The following STAB2 variants were observed in gnomAD, a reference collection of about 807,000 sequenced individuals.
STAB2 encodes stabilin 2, also known as stabilin-2.
Under a neutral mutation model 338.1 loss-of-function variants are expected in STAB2, and 288 were observed. The ratio of observed to expected loss-of-function variants is 0.85; its 90% CI spans 0.77 to 0.94. The LOEUF (loss-of-function observed/expected upper bound fraction) is 0.94. Ranked by LOEUF, STAB2 falls within the 40% of genes least tolerant of loss-of-function variation. The probability of loss-of-function intolerance (pLI) is 0.00; values close to 1 mark genes in which losing one functional copy is unlikely to be tolerated. For missense variants in STAB2, 3,141 were observed against 3,210.1 expected (o/e 0.98, Z 0.52); for synonymous variants, 1,202 against 1,193.3 (o/e 1.01, Z -0.15).
chr12:103,629,814 T>C (rs1957433283), intron 5 of STAB2, among the ~76,000 whole-genome samples: 1 of 152,216 alleles, frequency 6.6e-6, no homozygotes, highest in South Asian at 2.1e-4. Flanking sequence ...GATTTTGATC[T>C]CTTTGATGGC....
At chr12:103,620,366 T>C (rs1457625662) in intron 3 of STAB2, 102 bp from the exon 4 acceptor site, 2 of 1,092,484 alleles carry the variant, frequency 1.8e-6, no homozygotes, top group East Asian at 2.6e-5. Context: ...AATTATTTCT[T>C]ATCCCTGGCA....
At chr12:103,736,188 A>G (rs1279027295) in intron 52 of STAB2, among the ~76,000 whole-genome samples, 1 of 152,220 alleles carries the variant, frequency 6.6e-6, no homozygotes, top group Admixed American at 6.5e-5. Flanking sequence ...AATCTTTAGT[A>G]TGATGGCTCA....
chr12:103,723,629 C>T (rs973625606), intron 44 of STAB2, among the ~76,000 whole-genome samples: 1 of 152,198 alleles, frequency 6.6e-6, no homozygotes, highest in African/African-American at 2.4e-5. Context: ...TAGCATGTAT[C>T]GTGACTTTCT....
intron 16 of STAB2, 117 bp downstream of exon 16, chr12:103,660,501 C>A: frequency 7.3e-7 from 1 of 1,367,714 alleles, no homozygotes; most frequent in Non-Finnish European, 1.0e-6. Flanking sequence ...CTGAATAAAC[C>A]CTCAGCCATG....
intron 68 of STAB2, 175 bp from the exon 69 acceptor site, chr12:103,766,111 C>A (rs934168842): frequency 3.6e-6 from 3 of 837,114 alleles, no homozygotes; most frequent in Admixed American, 2.0e-5. Flanking sequence ...GGTGGCCCTA[C>A]CCCCAGCCCA....
At chr12:103,707,114 G>A (rs901040879) in intron 38 of STAB2, 127 bp downstream of exon 38, 9 of 939,222 alleles carry the variant, frequency 9.6e-6, no homozygotes, top group Non-Finnish European at 1.2e-5. Flanking sequence ...AATCCCACCT[G>A]CTACTATCAC....
chr12:103,675,647 G>A (rs1207044565), intron 23 of STAB2, among the ~76,000 whole-genome samples: 1 of 152,222 alleles, frequency 6.6e-6, no homozygotes, highest in Non-Finnish European at 1.5e-5. Flanking sequence ...TATATGGGAG[G>A]TATTAGGCCC....
intron 9 of STAB2, among the ~76,000 whole-genome samples, chr12:103,643,890 C>G (rs1274896957): frequency 2.2e-5 from 3 of 139,364 alleles, no homozygotes; most frequent in Non-Finnish European, 4.7e-5. Context: ...GCGCCTCTGC[C>G]CGGCCGCCCC....
rs1055295803 is a variant in STAB2 at position 103,720,784 on chromosome 12, A to G, written c.4683+2943A>G. On this transcript the variant is annotated intron_variant, in intron 44 of 68. Coordinates refer to ENST00000388887, the MANE Select transcript of STAB2 (RefSeq NM_017564.10). Reference sequence around the variant, plus strand: ...GGTAGCTTATAAGCAACAGAAATTTATTTCTCACATTCTGGAGGCTGGGCA... The same window carrying G: ...GGTAGCTTATAAGCAACAGAAATTTGTTTCTCACATTCTGGAGGCTGGGCA... 3.9e-5 allele frequency among the ~76,000 whole-genome samples: 6 copies of G among 152,312 alleles called. No individual in the cohort carries two copies. The East Asian group carries it at 1.2e-3, about 29-fold the overall frequency.
At chr12:103,633,978 G>A (rs1013096389) in intron 6 of STAB2, among the ~76,000 whole-genome samples, 4 of 151,946 alleles carry the variant, frequency 2.6e-5, no homozygotes, top group Non-Finnish European at 5.9e-5. Context: ...GGAGAGGAGA[G>A]GAATTAGACA....
At chr12:103,664,621 A>G (rs923550676) in intron 18 of STAB2, among the ~76,000 whole-genome samples, 4 of 152,262 alleles carry the variant, frequency 2.6e-5, no homozygotes, top group African/African-American at 4.8e-5. Flanking sequence ...GAACATGAGC[A>G]TTAAACAAGG....
In STAB2 at chr12:103,706,803, C is replaced by T; in HGVS notation, c.4008C>T (p.Cys1336=). The T allele has an allele frequency of 3.1e-6, 5 of 1,614,232 alleles. No individual in the cohort carries two copies. The highest frequency in any genetic ancestry group is 2.2e-5 in the East Asian group (1 of 44,886). ...TCCTTCTGTTTCAGACGAGAGAATG[C>T]TGTGCCGGCTTCTTTGGCCCCCAAT... The part of the protein sequence containing the change: ...KCVRTVITRE[C]CAGFFGPQCQ... Residue 1336 remains cysteine, a synonymous_variant, in exon 38 of 69, where the codon TGC becomes TGT. Transcript: ENST00000388887.
At chr12:103,664,804 T>G (rs1874932360) in intron 18 of STAB2, among the ~76,000 whole-genome samples, 1 of 152,212 alleles carries the variant, frequency 6.6e-6, no homozygotes, top group Non-Finnish European at 1.5e-5. Flanking sequence ...AGGACGGAGC[T>G]GATCCTCTGT....
At chr12:103,754,923 G>A (rs1209363860) in intron 61 of STAB2, among the ~76,000 whole-genome samples, 1 of 150,122 alleles carries the variant, frequency 6.7e-6, no homozygotes, top group East Asian at 2.0e-4. Context: ...TTTAGCCTGG[G>A]TGACAGAGCA....
chr12:103,708,364 G>A, intron 38 of STAB2, 77 bp from the exon 39 acceptor site: 1 of 1,460,178 alleles, frequency 6.8e-7, no homozygotes, highest in Non-Finnish European at 9.6e-7. Context: ...GTGCAATAAA[G>A]CAAACCTAGT....
At position 103,590,021 on chromosome 12, in the gene STAB2, T is replaced by G. The variant is rs144600152; in HGVS notation, c.82-876T>G. 5.5e-3 allele frequency among the ~76,000 whole-genome samples: 832 copies of G among 152,220 alleles called. 2 individuals carry two copies. Among genetic ancestry groups the G allele is most frequent in the Non-Finnish European group, 8.9e-3 (607 of 68,026 alleles). ...GGTCTTTTGATCCCCAAGTTTAGTCTCTCTTTGTTGTACAAAGCTGCTCCA... is the reference window on the plus strand; with the variant it reads ...GGTCTTTTGATCCCCAAGTTTAGTCGCTCTTTGTTGTACAAAGCTGCTCCA... On this transcript the variant is annotated intron_variant, in intron 1 of 68. Transcript: ENST00000388887.
intron 9 of STAB2, among the ~76,000 whole-genome samples, chr12:103,641,815 C>T (rs1872947239): frequency 1.3e-5 from 2 of 152,176 alleles, no homozygotes; most frequent in Admixed American, 1.3e-4. Context: ...CACAAACCTT[C>T]CCACACCTCA....
intron 3 of STAB2, among the ~76,000 whole-genome samples, chr12:103,616,166 T>C (rs1007770691): frequency 6.6e-6 from 1 of 152,170 alleles, no homozygotes; most frequent in Non-Finnish European, 1.5e-5. Context: ...AAGGTCACAC[T>C]CTTGGGAGCT....
chr12:103,727,787 A>G (rs1881328914), intron 47 of STAB2, among the ~76,000 whole-genome samples: 1 of 152,170 alleles, frequency 6.6e-6, no homozygotes, highest in Non-Finnish European at 1.5e-5. Context: ...GATGGGTAAC[A>G]TTTACTGTGA....
Sources: gnomAD v4.1 joint callset for allele counts (sites outside exome capture counted in the v4.1 genomes callset) on GRCh38, gnomAD v4.1.1 for gene constraint, MANE v1.5 for transcripts, NCBI Gene and HGNC (gene_info 2026-07-23, HGNC 2026-07-21) for gene names.